CRIM1: variants seen among roughly 807,000 people sequenced by gnomAD.
The protein encoded by CRIM1 is cysteine-rich motor neuron 1 protein.
CRIM1 carries 32 observed loss-of-function variants against 116.4 expected under a neutral mutation model. The ratio of observed to expected loss-of-function variants is 0.27; its 90% CI spans 0.21 to 0.37. The LOEUF (loss-of-function observed/expected upper bound fraction) is 0.37. Ranked by LOEUF, CRIM1 falls within the 10% of genes least tolerant of loss-of-function variation. The probability of loss-of-function intolerance (pLI) is 1.00; values close to 1 mark genes in which losing one functional copy is unlikely to be tolerated. For synonymous variants in CRIM1, 590 were observed against 509.2 expected (o/e 1.16, Z -2.13); for missense variants, 1,331 against 1,354.8 (o/e 0.98, Z 0.28).
Position 36,544,425 on chromosome 2 carries a change from T to G in CRIM1, c.2673T>G (p.His891Gln). The G allele has an allele frequency of 7.0e-7, 1 of 1,431,664 alleles. No homozygotes were observed. The highest frequency in any genetic ancestry group is 9.2e-7 in the Non-Finnish European group (1 of 1,087,300). 88.7% of individuals were successfully genotyped at this position (1,431,664 alleles called of 1,614,324 possible). ...ATATACCCATTGAGAAGACAAACCA[T>G]CGAGGAGAGGTTGACCTGGAGGTTC... ...PTNIPIEKTN[H>Q]RGEVDLEVPL... is the part of the protein sequence containing the mutation. The change falls in exon 15 of 17, where the codon CAT becomes CAG. Residue 891 changes from histidine (H) to glutamine (Q), a missense_variant. His to Gln is a conservative substitution (Grantham distance 24). Coordinates refer to ENST00000280527, the MANE Select transcript of CRIM1 (RefSeq NM_016441.3).
At chr2:36,425,640 T>C (rs1280078715) in intron 2 of CRIM1, among the ~76,000 whole-genome samples, 1 of 152,208 alleles carries the variant, frequency 6.6e-6, no homozygotes, top group Non-Finnish European at 1.5e-5. Flanking sequence ...AAAATCCTTT[T>C]CTGACTCAAA....
At chr2:36,494,982 T>C (rs848537) in intron 7 of CRIM1, among the ~76,000 whole-genome samples, 49,209 of 151,898 alleles carry the variant, frequency 0.32, 8,403 homozygotes, top group South Asian at 0.52. Context: ...CTCATTCTCC[T>C]AAATGAGGAA....
At chr2:36,535,382 C>T (rs1666473754) in intron 13 of CRIM1, among the ~76,000 whole-genome samples, 1 of 152,154 alleles carries the variant, frequency 6.6e-6, no homozygotes, top group African/African-American at 2.4e-5. Context: ...TAATCAAGAA[C>T]TTCTATCATG....
chr2:36,376,050 C>A (rs1298090860), intron 1 of CRIM1, among the ~76,000 whole-genome samples: 2 of 152,102 alleles, frequency 1.3e-5, no homozygotes, highest in South Asian at 2.1e-4. Flanking sequence ...CAAGCTGACA[C>A]CCATTAGAAA....
At position 36,356,487 on chromosome 2, in the gene CRIM1, G is replaced by T. The variant is rs762063646; in HGVS notation, c.195G>T (p.Thr65=). The change falls in exon 1 of 17, where the codon ACG becomes ACT. Residue 65 remains threonine (T), a synonymous_variant. Coordinates refer to ENST00000280527, the MANE Select transcript of CRIM1 (RefSeq NM_016441.3). This position sits in a 1 kb window ranked among gnomAD's most constrained non-coding sequence, Gnocchi z 4.3. ...AGGGCGTCTGCGGCTGCTGCTACAC[G>T]TGCGCCAGCCAGAGGAACGAGAGCT... is the stretch of plus-strand genomic sequence containing the variant. ...IVQGVCGCCY[T]CASQRNESCG... 2.9e-5 allele frequency: 47 copies of T among 1,612,346 alleles called. No homozygotes were observed. Among genetic ancestry groups the T allele is most frequent in the Non-Finnish European group, 3.9e-5 (46 of 1,179,818 alleles).
rs748667079 is a variant in CRIM1 at position 36,512,411 on chromosome 2, G to A, written c.1780+17G>A. 40 of 1,586,580 alleles carry A rather than the reference G, an allele frequency of 2.5e-5. No homozygotes were observed. The highest frequency in any genetic ancestry group is 5.1e-5 in the Admixed American group (3 of 59,300). ...AGTGCAGAGGTAAGTGTGTACACAT[G>A]GCCCTTCCCCCTCAAAGCAGCCAGG... is the stretch of plus-strand genomic sequence containing the variant. On this transcript the variant is annotated intron_variant, in intron 10 of 16. Coordinates refer to ENST00000280527, the MANE Select transcript of CRIM1 (RefSeq NM_016441.3).
At chr2:36,413,765 A>G (rs1435150948) in intron 2 of CRIM1, among the ~76,000 whole-genome samples, 1 of 152,174 alleles carries the variant, frequency 6.6e-6, no homozygotes. Context: ...TCAGCTGGCT[A>G]AAGATGTTTC....
intron 8 of CRIM1, 140 bp from the exon 9 acceptor site, chr2:36,509,843 T>G: frequency 1.4e-6 from 1 of 698,814 alleles, no homozygotes; most frequent in East Asian, 2.6e-5. Flanking sequence ...TCTATGCTTT[T>G]TAATGATAAC....
At chr2:36,487,867 A>G (rs1679948959) in intron 7 of CRIM1, among the ~76,000 whole-genome samples, 1 of 152,196 alleles carries the variant, frequency 6.6e-6, no homozygotes, top group South Asian at 2.1e-4. Context: ...ATGTATTTAA[A>G]TGGTCATATA....
intron 4 of CRIM1, among the ~76,000 whole-genome samples, chr2:36,455,806 G>C (rs1039088943): frequency 6.6e-6 from 1 of 152,206 alleles, no homozygotes; most frequent in African/African-American, 2.4e-5. Flanking sequence ...ATGTTCGGAG[G>C]ATGGGGGAGT....
At chr2:36,507,156 C>T (rs1037452791) in intron 8 of CRIM1, among the ~76,000 whole-genome samples, 2 of 152,166 alleles carry the variant, frequency 1.3e-5, no homozygotes, top group Admixed American at 6.5e-5. Context: ...CAGCCGCAGT[C>T]AGTCTCCTCT....
At position 36,548,686 on chromosome 2, in the gene CRIM1, C is replaced by G. The variant is rs1667533257; in HGVS notation, c.3096C>G (p.Phe1032Leu). ...AGAACCATCTACAGGCAGACAATTT[C>G]TACCAAACAGTGTGAAGAAAGGCAA... Reference protein sequence around the residue: ...QKQNHLQADNFYQTV With the variant: ...QKQNHLQADNLYQTV Residue 1032 changes from phenylalanine to leucine, a missense_variant, in exon 17 of 17, where the codon TTC (phenylalanine) becomes TTG (leucine). Physicochemically the swap from Phe to Leu is conservative, Grantham distance 22 (BLOSUM62 0). This residue lies in a region of CRIM1 where 283 missense variants were observed against 242.8 expected (regional missense o/e 1.17). Coordinates refer to ENST00000280527, the MANE Select transcript of CRIM1 (RefSeq NM_016441.3). 6 of 1,591,920 alleles carry G rather than the reference C, an allele frequency of 3.8e-6. No homozygotes were observed. Among genetic ancestry groups the G allele is most frequent in the Non-Finnish European group, 4.3e-6 (5 of 1,173,220 alleles).
chr2:36,464,680 A>ATC, intron 5 of CRIM1, 25 bp downstream of exon 5: 3 of 1,612,832 alleles, frequency 1.9e-6, no homozygotes, highest in South Asian at 2.2e-5. Flanking sequence ...TCTTGTTCTC[A>ATC]GAGAGTGTAC....
Position 36,356,586 on chromosome 2 carries a change from C to T in CRIM1, c.294C>T (p.Gly98=), listed in dbSNP as rs767557046. 6 of 1,611,592 alleles carry T rather than the reference C, an allele frequency of 3.7e-6. No homozygotes were observed. The highest frequency in any genetic ancestry group is 1.1e-5 in the South Asian group (1 of 91,040). The change falls in exon 1 of 17, where the codon GGC becomes GGT. Residue 98 remains glycine, a synonymous_variant. Coordinates refer to ENST00000280527, the MANE Select transcript of CRIM1 (RefSeq NM_016441.3). This position sits in a 1 kb window ranked among gnomAD's most constrained non-coding sequence, Gnocchi z 4.3. ...LRCVIRPPLN[G]DSLTEYEAGV... ...GTGTCATCCGCCCCCCGCTCAATGG[C>T]GACTCCCTCACCGAGTACGAAGCGG...
At chr2:36,435,320 G>T (rs1174403793) in intron 2 of CRIM1, among the ~76,000 whole-genome samples, 1 of 145,432 alleles carries the variant, frequency 6.9e-6, no homozygotes, top group South Asian at 2.2e-4. Context: ...CAGGATGGCT[G>T]TGTATCTCAC....
chr2:36,438,029 GGCTGGGACAGAAAAATT>G (rs1395063852), intron 2 of CRIM1, among the ~76,000 whole-genome samples: 9 of 151,862 alleles, frequency 5.9e-5, no homozygotes, highest in African/African-American at 2.2e-4. Flanking sequence ...CTACTCAGGA[GGCTGGGACAGAAAAATT>G]GCTTGAACCC....
At chr2:36,405,996 A>G (rs1319161340) in intron 2 of CRIM1, among the ~76,000 whole-genome samples, 6 of 152,204 alleles carry the variant, frequency 3.9e-5, no homozygotes, top group Admixed American at 3.9e-4. Flanking sequence ...GCTAAACTTT[A>G]CAAATATGTC....
rs59142946 is a variant in CRIM1, at chr2:36,523,616, A to C, written c.2428+1303A>C. Among the ~76,000 whole-genome samples the C allele has an allele frequency of 1.6e-3, 244 of 152,392 alleles. 5 individuals carry two copies. In the East Asian group the frequency reaches 0.042, roughly 26 times the overall value. On this transcript the variant is annotated intron_variant, in intron 13 of 16. Coordinates refer to ENST00000280527, the MANE Select transcript of CRIM1 (RefSeq NM_016441.3). ...TGAAAGACAATGACACGTCTTAATCAGATAGTGCACCTATAATCAGAGTAG... is the reference window on the plus strand; with the variant it reads ...TGAAAGACAATGACACGTCTTAATCCGATAGTGCACCTATAATCAGAGTAG...
At chr2:36,464,416 A>G in intron 4 of CRIM1, 118 bp from the exon 5 acceptor site, 1 of 982,264 alleles carries the variant, frequency 1.0e-6, no homozygotes, top group Non-Finnish European at 1.6e-6. Context: ...CAGATAAAGG[A>G]GGCAGTGTCG....
Sources: gnomAD v4.1 joint callset for allele counts (sites outside exome capture counted in the v4.1 genomes callset) on GRCh38, gnomAD v4.1.1 for gene constraint, gnomAD v4.1.1 regional missense constraint, Gnocchi (gnomAD v3.1) non-coding constraint, MANE v1.5 for transcripts, NCBI Gene and HGNC (gene_info 2026-07-23, HGNC 2026-07-21) for gene names.